The following SNX14 variants were observed in gnomAD, a reference collection of about 807,000 sequenced individuals.
The protein encoded by SNX14 is sorting nexin-14.
Under a neutral mutation model 133.8 loss-of-function variants are expected in SNX14, and 93 were observed. That is an observed-to-expected ratio of 0.70 (90% CI 0.59 to 0.83). The LOEUF is 0.83. Among genes scored for constraint, SNX14 ranks in the 40% least tolerant of loss-of-function variants. The pLI is 0.00. For synonymous variants in SNX14, 368 were observed against 365.6 expected, an observed-to-expected ratio of 1.01 and a Z score of -0.07; for missense variants, 945 against 1,094.9, an observed-to-expected ratio of 0.86 and a Z score of 1.93.
intron 1 of SNX14, among the ~76,000 whole-genome samples, chr6:85,584,689 C>T (rs973495871): frequency 2.0e-5 from 3 of 152,050 alleles, no homozygotes; most frequent in African/African-American, 7.2e-5. Flanking sequence ...CAAATCAAAA[C>T]CACAATGAGA....
At chr6:85,536,024 G>T (rs142042208) in intron 17 of SNX14, among the ~76,000 whole-genome samples, 1 of 152,102 alleles carries the variant, frequency 6.6e-6, no homozygotes, top group Non-Finnish European at 1.5e-5. Context: ...GCCTTTATGG[G>T]ACTATGTGAT....
chr6:85,579,281 G>C (rs1798316736), intron 1 of SNX14, among the ~76,000 whole-genome samples: 1 of 152,180 alleles, frequency 6.6e-6, no homozygotes, highest in African/African-American at 2.4e-5. Flanking sequence ...TCACTACAGA[G>C]ATAACTGAAA....
chr6:85,544,148 TA>T (rs1401607611), intron 12 of SNX14, among the ~76,000 whole-genome samples: 1 of 152,212 alleles, frequency 6.6e-6, no homozygotes, highest in Non-Finnish European at 1.5e-5. Flanking sequence ...TCAATGTTTT[TA>T]AACAATATTT....
intron 1 of SNX14, chr6:85,588,994 G>A: frequency 2.3e-6 from 1 of 435,008 alleles, no homozygotes; most frequent in South Asian, 1.6e-5. Context: ...GGATGCAGAA[G>A]TGGCAGGCAC....
Position 85,593,795 on chromosome 6 carries a change from C to T in SNX14, c.-77G>A, listed in dbSNP as rs1583205109. ...GCGACCCCCCATCCACACCTCGCGTCCCCGCCCCACCGACTTGGCGGCGCA... is the reference window on the plus strand; with the variant it reads ...GCGACCCCCCATCCACACCTCGCGTTCCCGCCCCACCGACTTGGCGGCGCA... On this transcript the variant is annotated 5_prime_UTR_variant, in exon 1 of 29. Transcript: ENST00000314673. The T allele has an allele frequency of 6.3e-6, 10 of 1,586,556 alleles. No individual in the cohort carries two copies. The East Asian group carries it at 2.3e-4, about 36-fold the overall frequency.
intron 18 of SNX14, among the ~76,000 whole-genome samples, chr6:85,531,395 T>C (rs1780249207): frequency 6.6e-6 from 1 of 152,234 alleles, no homozygotes; most frequent in African/African-American, 2.4e-5. Flanking sequence ...TTAACTGTTA[T>C]TGTTAACATC....
chr6:85,580,887 G>A (rs555087850), intron 1 of SNX14, among the ~76,000 whole-genome samples: 8 of 152,126 alleles, frequency 5.3e-5, no homozygotes, highest in Non-Finnish European at 8.8e-5. Flanking sequence ...CCTGGCTCCT[G>A]GATGGCATCT....
chr6:85,535,617 A>AG (rs1035519989), intron 17 of SNX14, among the ~76,000 whole-genome samples: 1 of 151,834 alleles, frequency 6.6e-6, no homozygotes, highest in Non-Finnish European at 1.5e-5. Context: ...AAAAAAAAAA[A>AG]AAAAAAAAAT....
At chr6:85,506,411 G>C (rs781212352) in intron 28 of SNX14, among the ~76,000 whole-genome samples, 1 of 151,888 alleles carries the variant, frequency 6.6e-6, no homozygotes, top group Non-Finnish European at 1.5e-5. Flanking sequence ...CCTCCTCCCA[G>C]GTTTAAGCGA....
At chr6:85,521,076 G>A (rs1306830968) in intron 21 of SNX14, among the ~76,000 whole-genome samples, 3 of 152,172 alleles carry the variant, frequency 2.0e-5, no homozygotes, top group Non-Finnish European at 4.4e-5. Flanking sequence ...CTTTACATCT[G>A]CACCAATATT....
At chr6:85,557,900 T>A in intron 7 of SNX14, 76 bp downstream of exon 7, 1 of 791,828 alleles carries the variant, frequency 1.3e-6, no homozygotes, top group East Asian at 2.5e-5. Context: ...TAATCAGTAC[T>A]CATATTTAGA....
intron 21 of SNX14, among the ~76,000 whole-genome samples, chr6:85,524,148 C>T (rs1777813118): frequency 6.6e-6 from 1 of 151,968 alleles, no homozygotes; most frequent in Non-Finnish European, 1.5e-5. Context: ...CACCACTGCA[C>T]TCCAGCCTGG....
chr6:85,554,667 C>A (rs532882386), intron 7 of SNX14, among the ~76,000 whole-genome samples: 2 of 152,232 alleles, frequency 1.3e-5, no homozygotes, highest in East Asian at 3.9e-4. Flanking sequence ...ATGATGATTA[C>A]AATGTTATTA....
chr6:85,584,009 C>T (rs571772170), intron 1 of SNX14, among the ~76,000 whole-genome samples: 3 of 152,130 alleles, frequency 2.0e-5, no homozygotes, highest in Non-Finnish European at 2.9e-5. Flanking sequence ...TACTACAAGG[C>T]TACAGTAACC....
At chr6:85,539,306 G>T (rs1355272132) in intron 15 of SNX14, among the ~76,000 whole-genome samples, 3 of 152,026 alleles carry the variant, frequency 2.0e-5, no homozygotes, top group Non-Finnish European at 2.9e-5. Flanking sequence ...AACCTGGCAT[G>T]GCACAAAAAA....
intron 17 of SNX14, among the ~76,000 whole-genome samples, chr6:85,534,698 T>A (rs1781310683): frequency 6.6e-6 from 1 of 152,140 alleles, no homozygotes; most frequent in Admixed American, 6.6e-5. Flanking sequence ...AAATAAAAAA[T>A]ACATCTTCTT....
At chr6:85,549,942 C>T in intron 7 of SNX14, 63 bp from the exon 8 acceptor site, 1 of 1,419,820 alleles carries the variant, frequency 7.0e-7, no homozygotes, top group Non-Finnish European at 9.7e-7. Context: ...TCGGTCATTT[C>T]CACTAACAAA....
intron 1 of SNX14, among the ~76,000 whole-genome samples, chr6:85,587,419 CTA>C (rs1335955902): frequency 1.3e-5 from 2 of 152,126 alleles, no homozygotes; most frequent in African/African-American, 4.8e-5. Flanking sequence ...AAAAATAAGA[CTA>C]TGAACAACTA....
rs547467682 is a variant in SNX14 at position 85,514,640 on chromosome 6, A to T, written c.2269-11T>A. 23 of 1,605,350 alleles carry T rather than the reference A, an allele frequency of 1.4e-5. No homozygotes were observed. In the South Asian group the frequency reaches 2.5e-4, roughly 18 times the overall value. On this transcript the variant is annotated splice_polypyrimidine_tract_variant and intron_variant, in intron 23 of 28. Coordinates refer to ENST00000314673, the MANE Select transcript of SNX14 (RefSeq NM_153816.6). ...CAGATCATTGAAAAGCTAAAATAAAAGTTGGAATAATAAAGAGATATATAG... is the reference window on the plus strand; with the variant it reads ...CAGATCATTGAAAAGCTAAAATAAATGTTGGAATAATAAAGAGATATATAG...
Sources: gnomAD v4.1 joint callset for allele counts (sites outside exome capture counted in the v4.1 genomes callset) on GRCh38, gnomAD v4.1.1 for gene constraint, MANE v1.5 for transcripts, NCBI Gene and HGNC (gene_info 2026-07-23, HGNC 2026-07-21) for gene names.